The following P4HA1 variants were observed in gnomAD, a reference collection of about 807,000 sequenced individuals.
The protein encoded by P4HA1 is prolyl 4-hydroxylase subunit alpha 1, also known as prolyl 4-hydroxylase subunit alpha-1.
Under a neutral mutation model 72.8 loss-of-function variants are expected in P4HA1, and 24 were observed. The ratio of observed to expected loss-of-function variants is 0.33; its 90% confidence interval spans 0.24 to 0.46. The LOEUF is 0.46. Among genes scored for constraint, P4HA1 ranks in the 20% least tolerant of loss-of-function variants. P4HA1 has a pLI of 1.00. For synonymous variants in P4HA1, 201 were observed against 218.8 expected, an observed-to-expected ratio of 0.92 and a Z score of 0.72; for missense variants, 446 against 640.6, an observed-to-expected ratio of 0.70 and a Z score of 3.28.
chr10:73,087,508 C>G (rs942510791), intron 1 of P4HA1, among the ~76,000 whole-genome samples: 2 of 152,042 alleles, frequency 1.3e-5, no homozygotes, highest in African/African-American at 4.8e-5. Context: ...TCAGATGGTC[C>G]ACCCACCTCA....
chr10:73,033,769 T>C (rs1347426140), intron 9 of P4HA1, among the ~76,000 whole-genome samples: 1 of 152,142 alleles, frequency 6.6e-6, no homozygotes, highest in African/African-American at 2.4e-5. Context: ...GCTAAAATTA[T>C]AAAAACTGTG....
At position 73,016,827 on chromosome 10, in the gene P4HA1, C is replaced by T; in HGVS notation, c.1302+19G>A. 1.3e-6 allele frequency: 2 copies of T among 1,575,528 alleles called. No homozygotes were observed. The highest frequency in any genetic ancestry group is 1.7e-6 in the Non-Finnish European group (2 of 1,145,500). On this transcript the variant is annotated intron_variant, in intron 11 of 14. Coordinates refer to ENST00000394890, the MANE Select transcript of P4HA1 (RefSeq NM_001017962.3). ...AATGCATAAGCCTCAGTGAATTTCT[C>T]CATTTCTTTTTCACTTACCCGTGCA...
intron 4 of P4HA1, among the ~76,000 whole-genome samples, chr10:73,070,050 T>C (rs898684808): frequency 6.7e-6 from 1 of 149,018 alleles, no homozygotes; most frequent in African/African-American, 2.5e-5. Flanking sequence ...TCTCAAACGA[T>C]CCACCTGCCT....
In P4HA1 at chr10:73,011,710, G is replaced by C. The variant is rs542465944; in HGVS notation, c.1369-673C>G. The stretch of plus-strand genomic sequence containing the variant: ...AGATTTTTTTAAAGCAACATAAGTA[G>C]AATGTATAGACTGATTAGATCACAG... On this transcript the variant is annotated intron_variant, in intron 12 of 14. Coordinates refer to ENST00000394890, the MANE Select transcript of P4HA1 (RefSeq NM_001017962.3). Among the ~76,000 whole-genome samples the C allele has an allele frequency of 2.0e-5, 3 of 152,170 alleles. No homozygotes were observed. The South Asian group carries it at 6.2e-4, about 32-fold the overall frequency.
At chr10:73,086,618 T>A (rs555341803) in intron 1 of P4HA1, among the ~76,000 whole-genome samples, 2 of 152,124 alleles carry the variant, frequency 1.3e-5, no homozygotes, top group Non-Finnish European at 2.9e-5. Flanking sequence ...TATTACTCAA[T>A]AAAACTGTTT....
rs868066942 is a variant in P4HA1, at chr10:73,081,146, G to A, written c.-32-6231C>T. Reference sequence around the variant, plus strand: ...GAAAAAGAAATTAATGGGTCAAAATGGATGCAATCTCCTTTAAAAGAAAGA... The same window carrying A: ...GAAAAAGAAATTAATGGGTCAAAATAGATGCAATCTCCTTTAAAAGAAAGA... On this transcript the variant is annotated intron_variant, in intron 1 of 14. Transcript: ENST00000394890. Among the ~76,000 whole-genome samples, 11 of 151,996 alleles carry A rather than the reference G, an allele frequency of 7.2e-5. No individual in the cohort carries two copies. The South Asian group carries it at 8.3e-4, about 11-fold the overall frequency.
At chr10:73,066,873 T>G (rs7904719) in intron 5 of P4HA1, among the ~76,000 whole-genome samples, 24,097 of 152,064 alleles carry the variant, frequency 0.16, 3,158 homozygotes, top group African/African-American at 0.34. Flanking sequence ...GATTGTGAGT[T>G]TCCTAAGACA....
At chr10:73,018,885 C>A (rs1024987328) in intron 10 of P4HA1, among the ~76,000 whole-genome samples, 1 of 152,030 alleles carries the variant, frequency 6.6e-6, no homozygotes, top group South Asian at 2.1e-4. Flanking sequence ...CAACCTACAT[C>A]CAACCCTGCC....
intron 9 of P4HA1, among the ~76,000 whole-genome samples, chr10:73,036,917 G>A (rs1840587937): frequency 2.0e-5 from 3 of 151,978 alleles, no homozygotes; most frequent in Admixed American, 1.3e-4. Flanking sequence ...TCTAGGACCT[G>A]GAAGTCTTAT....
intron 7 of P4HA1, among the ~76,000 whole-genome samples, chr10:73,047,744 T>C (rs1333243794): frequency 6.6e-6 from 1 of 152,072 alleles, no homozygotes; most frequent in Non-Finnish European, 1.5e-5. Context: ...GTTGCCTACT[T>C]CTCTTAATTA....
chr10:73,091,229 G>A (rs932831744), intron 1 of P4HA1, among the ~76,000 whole-genome samples: 1 of 151,786 alleles, frequency 6.6e-6, no homozygotes, highest in Non-Finnish European at 1.5e-5. Context: ...AGAACCATAG[G>A]GCAAGAACAA....
chr10:73,022,072 A>G (rs1296786661), intron 10 of P4HA1, among the ~76,000 whole-genome samples: 1 of 152,236 alleles, frequency 6.6e-6, no homozygotes, highest in East Asian at 1.9e-4. Flanking sequence ...GGCATAGCTG[A>G]ACAAAAGCCA....
chr10:73,044,576 G>C (rs1840809681), intron 9 of P4HA1, among the ~76,000 whole-genome samples: 2 of 152,150 alleles, frequency 1.3e-5, no homozygotes, highest in African/African-American at 2.4e-5. Flanking sequence ...AGGAGGATAT[G>C]AATCACCGCA....
chr10:73,083,117 A>G (rs1021935599), intron 1 of P4HA1, among the ~76,000 whole-genome samples: 1 of 152,208 alleles, frequency 6.6e-6, no homozygotes, highest in African/African-American at 2.4e-5. Flanking sequence ...AACAGGATGT[A>G]TCTTCCAAGA....
chr10:73,035,476 A>C (rs1239743001), intron 9 of P4HA1, among the ~76,000 whole-genome samples: 3 of 152,128 alleles, frequency 2.0e-5, no homozygotes, highest in Non-Finnish European at 2.9e-5. Context: ...TGCCCACACC[A>C]CTACACTCCA....
intron 12 of P4HA1, among the ~76,000 whole-genome samples, chr10:73,013,161 T>C (rs556479326): frequency 2.0e-5 from 3 of 152,320 alleles, no homozygotes; most frequent in Admixed American, 2.0e-4. Context: ...CCAAATATAA[T>C]ACATCCCAAT....
At chr10:73,024,620 A>T (rs1056255398) in intron 10 of P4HA1, among the ~76,000 whole-genome samples, 7 of 152,206 alleles carry the variant, frequency 4.6e-5, no homozygotes, top group Admixed American at 4.6e-4. Context: ...AGCTAGCAGA[A>T]GGCAAGAAAT....
chr10:73,037,319 A>AC (rs1428938334), intron 9 of P4HA1, among the ~76,000 whole-genome samples: 3 of 150,256 alleles, frequency 2.0e-5, no homozygotes, highest in Non-Finnish European at 4.4e-5. Flanking sequence ...AAAAAAAAAA[A>AC]AAAAAAACTT....
chr10:73,064,749 G>A (rs1462364298), intron 5 of P4HA1, among the ~76,000 whole-genome samples: 1 of 151,178 alleles, frequency 6.6e-6, no homozygotes, highest in Non-Finnish European at 1.5e-5. Context: ...GCTGAGGCAA[G>A]AGAATCGCTT....
Sources: gnomAD v4.1 joint callset for allele counts (sites outside exome capture counted in the v4.1 genomes callset) on GRCh38, gnomAD v4.1.1 for gene constraint, MANE v1.5 for transcripts, NCBI Gene and HGNC (gene_info 2026-07-23, HGNC 2026-07-21) for gene names.